Variants in ZNF451 observed in about 807,000 individuals in gnomAD.
ZNF451 encodes zinc finger protein 451, also known as E3 SUMO-protein ligase ZNF451.
A neutral mutation model predicts 107.1 loss-of-function variants in ZNF451; 80 were observed. The observed-to-expected ratio is 0.75, with a 90% CI of 0.62 to 0.90. ZNF451 has a LOEUF of 0.90. ZNF451 is among the 40% of genes least tolerant of loss of function. The probability of loss-of-function intolerance (pLI) is 0.00; values close to 1 mark genes in which losing one functional copy is unlikely to be tolerated. For synonymous variants in ZNF451, 362 were observed against 406.5 expected (o/e 0.89, Z 1.32); for missense variants, 1,107 against 1,236.2 (o/e 0.90, Z 1.57).
intron 14 of ZNF451, chr6:57,165,800 A>C (rs183714838): frequency 6.6e-6 from 1 of 152,326 alleles, no homozygotes; most frequent in African/African-American, 2.4e-5. Context: ...ATTGTGCTGA[A>C]TACTGTAGAC....
intron 3 of ZNF451, chr6:57,116,886 G>T (rs1316328204): frequency 6.6e-6 from 1 of 151,208 alleles, no homozygotes; most frequent in Non-Finnish European, 1.5e-5. Context: ...GATTGCTTGA[G>T]CCCCGGAGTT....
At chr6:57,090,317 C>A in intron 1 of ZNF451, 43 bp downstream of exon 1, 1 of 1,605,894 alleles carries the variant, frequency 6.2e-7, no homozygotes, top group South Asian at 1.1e-5. Flanking sequence ...AGAGGCGAAC[C>A]GCGAAGGGTT....
chr6:57,124,507 A>G, intron 3 of ZNF451: 2 of 715,056 alleles, frequency 2.8e-6, no homozygotes, highest in South Asian at 3.0e-5. Flanking sequence ...AAGTGAATAA[A>G]GATGATAAAT....
chr6:57,138,991 C>T (rs1476471224), intron 7 of ZNF451, among the ~76,000 whole-genome samples: 1 of 151,614 alleles, frequency 6.6e-6, no homozygotes, highest in Non-Finnish European at 1.5e-5. Context: ...ATCATTTAAA[C>T]AACTTTATGT....
intron 4 of ZNF451, among the ~76,000 whole-genome samples, chr6:57,127,923 CAA>C (rs1287954678): frequency 2.0e-5 from 3 of 152,104 alleles, no homozygotes; most frequent in Admixed American, 2.0e-4. Context: ...CTGCTATAAA[CAA>C]AGATTTATTG....
chr6:57,121,622 C>T (rs1830643184), intron 3 of ZNF451, among the ~76,000 whole-genome samples: 1 of 152,062 alleles, frequency 6.6e-6, no homozygotes, highest in Non-Finnish European at 1.5e-5. Context: ...GAATACAACC[C>T]CATTTACAAT....
In ZNF451 at chr6:57,148,231, A is replaced by G. The variant is rs1423168443; in HGVS notation, c.2146A>G (p.Thr716Ala). The change falls in exon 10 of 15, where the codon ACC becomes GCC. Residue 716 changes from threonine to alanine, a missense_variant. Thr to Ala is a moderately conservative substitution (Grantham distance 58). This residue lies in a region of ZNF451 where 608 missense variants were observed against 649.2 expected (regional missense o/e 0.94). Coordinates refer to ENST00000370706, the MANE Select transcript of ZNF451 (RefSeq NM_001031623.3). ...CGAAGATGATTTTCCAGTAATAGAG[A>G]CCAGTAACCAGTTAACTTGTGGTTG... Reference protein sequence around the residue: ...KTEDDFPVIETSNQLTCGCRE... With the variant: ...KTEDDFPVIEASNQLTCGCRE... 1.9e-6 allele frequency: 3 copies of G among 1,613,970 alleles called. No homozygotes were observed. The highest frequency in any genetic ancestry group is 1.1e-5 in the South Asian group (1 of 91,058).
At chr6:57,113,987 A>G (rs983527985) in intron 3 of ZNF451, among the ~76,000 whole-genome samples, 3 of 152,196 alleles carry the variant, frequency 2.0e-5, no homozygotes, top group Non-Finnish European at 4.4e-5. Flanking sequence ...CCTAAACCAT[A>G]CTACATTTTC....
chr6:57,150,653 G>T, intron 10 of ZNF451, 66 bp from the exon 11 acceptor site: 1 of 1,491,808 alleles, frequency 6.7e-7, no homozygotes, highest in Non-Finnish European at 9.0e-7. Context: ...ATACTTTTTG[G>T]ACTTGAAATC....
intron 3 of ZNF451, chr6:57,103,968 A>C: frequency 1.0e-6 from 1 of 985,342 alleles, no homozygotes; most frequent in South Asian, 4.7e-5. Context: ...TTATCAGTTA[A>C]TTTCAGGGTA....
intron 11 of ZNF451, 35 bp from the exon 12 acceptor site, chr6:57,152,182 CTGTT>C (rs1832382864): frequency 1.3e-6 from 2 of 1,574,208 alleles, no homozygotes; most frequent in Non-Finnish European, 1.7e-6. Context: ...CTTTCCTCTC[CTGTT>C]TGATTATCAT....
chr6:57,100,476 C>A, intron 3 of ZNF451: 1 of 1,129,150 alleles, frequency 8.9e-7, no homozygotes, highest in Non-Finnish European at 1.2e-6. Context: ...GTATCTTTCA[C>A]TGTTAATTAT....
chr6:57,128,566 G>T (rs558167709), intron 4 of ZNF451, among the ~76,000 whole-genome samples, 163 bp from the exon 5 acceptor site: 1 of 152,152 alleles, frequency 6.6e-6, no homozygotes, highest in African/African-American at 2.4e-5. Context: ...ACATCTTAGA[G>T]CGTGCATTTT....
intron 4 of ZNF451, among the ~76,000 whole-genome samples, chr6:57,125,400 A>G (rs921637886): frequency 6.6e-6 from 1 of 152,198 alleles, no homozygotes; most frequent in Non-Finnish European, 1.5e-5. Flanking sequence ...GAAGGCCCCA[A>G]ATGAAATTAC....
At chr6:57,100,669 G>A in intron 3 of ZNF451, 2 of 1,549,870 alleles carry the variant, frequency 1.3e-6, no homozygotes, top group Non-Finnish European at 1.7e-6. Context: ...TAGCTGCAAT[G>A]TTCCTCTTCC....
intron 10 of ZNF451, among the ~76,000 whole-genome samples, chr6:57,150,338 C>T (rs1832285601): frequency 6.6e-6 from 1 of 152,042 alleles, no homozygotes; most frequent in Non-Finnish European, 1.5e-5. Context: ...TAATAGGTAA[C>T]CTTGGAATTT....
intron 9 of ZNF451, among the ~76,000 whole-genome samples, chr6:57,144,234 C>CT (rs57250829): frequency 0.016 from 1,876 of 114,734 alleles, 46 homozygotes; most frequent in African/African-American, 0.052. Context: ...GAATTATATC[C>CT]TTTTTTTTTT....
intron 13 of ZNF451, among the ~76,000 whole-genome samples, chr6:57,155,879 C>T (rs1173130107): frequency 7.2e-6 from 1 of 139,762 alleles, no homozygotes; most frequent in Non-Finnish European, 1.5e-5. Context: ...TAACTACTCT[C>T]TGGAGGCACA....
intron 3 of ZNF451, chr6:57,106,720 G>C (rs920094123): frequency 2.0e-6 from 2 of 983,786 alleles, no homozygotes; most frequent in African/African-American, 1.8e-5. Context: ...TTAGTGGCTA[G>C]TCCAATAATT....
Sources: allele counts gnomAD v4.1 joint callset (sites outside exome capture counted in the v4.1 genomes callset), GRCh38; gene constraint gnomAD v4.1.1; regional missense constraint gnomAD v4.1.1; transcripts MANE v1.5; gene names NCBI Gene and HGNC (gene_info 2026-07-23, HGNC 2026-07-21).